ZNF92: variants seen among roughly 807,000 people sequenced by gnomAD.
The protein encoded by ZNF92 is zinc finger protein 92, also known as epididymis luminal protein 203.
Under a neutral mutation model 12.4 loss-of-function variants are expected in ZNF92, and 11 were observed. The observed-to-expected ratio is 0.89, with a 90% CI of 0.56 to 1.47. The LOEUF (loss-of-function observed/expected upper bound fraction) is 1.47. Among genes scored for constraint, ZNF92 ranks in the 40% most tolerant of loss-of-function variants. The pLI is 0.00. For missense variants in ZNF92, 622 were observed against 681.0 expected (o/e 0.91, Z 0.96); for synonymous variants, 206 against 228.6 (o/e 0.90, Z 0.89).
chr7:65,398,236 C>T, intron 3 of ZNF92, 105 bp from the exon 4 acceptor site: 4 of 937,526 alleles, frequency 4.3e-6, no homozygotes, highest in South Asian at 4.9e-5. Flanking sequence ...TTTGCTATGC[C>T]ATCTTGCTTA....
intron 3 of ZNF92, among the ~76,000 whole-genome samples, chr7:65,395,760 G>C (rs976347482): frequency 2.0e-5 from 3 of 152,092 alleles, no homozygotes; most frequent in African/African-American, 7.2e-5. Context: ...GCTGGTACTT[G>C]ACTTAAAGCA....
At chr7:65,392,598 G>T in intron 3 of ZNF92, among the ~76,000 whole-genome samples, 1 of 149,984 alleles carries the variant, frequency 6.7e-6, no homozygotes, top group Non-Finnish European at 1.5e-5. Context: ...GTACAATGGT[G>T]TCATCTCAGC....
At chr7:65,378,364 AT>A (rs1197236041) in intron 1 of ZNF92, among the ~76,000 whole-genome samples, 1 of 151,904 alleles carries the variant, frequency 6.6e-6, no homozygotes, top group Non-Finnish European at 1.5e-5. Context: ...TAGAAGGGAC[AT>A]AAAGTGAGGT....
chr7:65,387,765 T>G (rs1447193550), intron 1 of ZNF92, 137 bp from the exon 2 acceptor site: 10 of 979,510 alleles, frequency 1.0e-5, no homozygotes, highest in Non-Finnish European at 1.4e-5. Context: ...ATTATTTTAT[T>G]GGATCATTTC....
At chr7:65,386,237 C>T (rs1325833202) in intron 1 of ZNF92, among the ~76,000 whole-genome samples, 1 of 151,950 alleles carries the variant, frequency 6.6e-6, no homozygotes, top group African/African-American at 2.4e-5. Flanking sequence ...CCAGGCTGGT[C>T]TCGAACTCCT....
intron 2 of ZNF92, 144 bp downstream of exon 2, chr7:65,388,172 AAAG>A: frequency 1.1e-6 from 1 of 871,928 alleles, no homozygotes; most frequent in Non-Finnish European, 1.7e-6. Flanking sequence ...TCAGTATAGA[AAAG>A]AACTTCTTCA....
At chr7:65,382,631 C>A (rs1793451500) in intron 1 of ZNF92, among the ~76,000 whole-genome samples, 1 of 152,076 alleles carries the variant, frequency 6.6e-6, no homozygotes, top group Non-Finnish European at 1.5e-5. Context: ...TATCTTTAGA[C>A]CTGAAACTGA....
At chr7:65,381,571 C>T (rs537207670) in intron 1 of ZNF92, among the ~76,000 whole-genome samples, 17 of 151,800 alleles carry the variant, frequency 1.1e-4, no homozygotes, top group African/African-American at 1.2e-4. Context: ...GCTTTTGTGG[C>T]GATTGCTTTT....
chr7:65,399,727 A>T lies in ZNF92; in HGVS notation c.1613A>T (p.Lys538Ile). The change falls in exon 4 of 4, where the codon AAA becomes ATA. Residue 538 changes from lysine (K) to isoleucine (I), a missense_variant. Lys to Ile is a moderately radical substitution (Grantham distance 102). Transcript: ENST00000328747. The part of the protein sequence containing the change: ...KIIYTGEKPY[K>I]YEECDKAFNK... ...ATTTATACTGGAGAGAAACCCTACA[A>T]ATATGAAGAATGTGACAAAGCCTTT... The T allele has an allele frequency of 6.2e-7, 1 of 1,613,304 alleles. No individual in the cohort carries two copies. Among genetic ancestry groups the T allele is most frequent in the Non-Finnish European group, 8.5e-7 (1 of 1,179,458 alleles).
rs201966249 is a variant in ZNF92, at chr7:65,399,483, G to A, written c.1369G>A (p.Glu457Lys). 54 of 1,613,034 alleles carry A rather than the reference G, an allele frequency of 3.3e-5. No individual in the cohort carries two copies. The African/African-American group carries it at 5.2e-4, about 16-fold the overall frequency. ...GGAAGATAAACCCTACAAATGTGAA[G>A]AATGTGGCAAAGCCTTTAGTGTATT... is the stretch of plus-strand genomic sequence containing the variant. ...HMEDKPYKCE[E>K]CGKAFSVFST... is the part of the protein sequence containing the mutation. Residue 457 changes from glutamate to lysine, a missense_variant, in exon 4 of 4, where the codon GAA (glutamate) becomes AAA (lysine). Transcript: ENST00000328747.
chr7:65,388,143 T>C, intron 2 of ZNF92, 115 bp downstream of exon 2: 9 of 1,179,752 alleles, frequency 7.6e-6, no homozygotes, highest in Non-Finnish European at 1.0e-5. Flanking sequence ...ATCCCAGTTT[T>C]CAAGAAAACA....
At chr7:65,376,038 G>A (rs1046356120) in intron 1 of ZNF92, among the ~76,000 whole-genome samples, 3 of 151,562 alleles carry the variant, frequency 2.0e-5, no homozygotes, top group Non-Finnish European at 2.9e-5. Flanking sequence ...TCAGCCTCCC[G>A]AGTAGCTGGA....
intron 1 of ZNF92, among the ~76,000 whole-genome samples, chr7:65,379,696 C>G (rs753777794): frequency 1.3e-5 from 2 of 152,094 alleles, no homozygotes; most frequent in Non-Finnish European, 2.9e-5. Context: ...CACCTCCACA[C>G]TGAATCTACA....
At chr7:65,382,855 C>T (rs1335215744) in intron 1 of ZNF92, among the ~76,000 whole-genome samples, 1 of 152,074 alleles carries the variant, frequency 6.6e-6, no homozygotes, top group Non-Finnish European at 1.5e-5. Flanking sequence ...AAATGCAAAT[C>T]CTTTTAGTTA....
Position 65,399,333 on chromosome 7 carries a change from A to C in ZNF92, c.1219A>C (p.Lys407Gln). 15 of 1,613,554 alleles carry C rather than the reference A, an allele frequency of 9.3e-6. No individual in the cohort carries two copies. The highest frequency in any genetic ancestry group is 1.2e-5 in the Non-Finnish European group (14 of 1,179,754). The change falls in exon 4 of 4, where the codon AAA (lysine) becomes CAA (glutamine). Residue 407 changes from lysine (K) to glutamine (Q), a missense_variant. Physicochemically the swap from Lys to Gln is moderately conservative, Grantham distance 53. Coordinates refer to ENST00000328747, the MANE Select transcript of ZNF92 (RefSeq NM_152626.4). ...ATGTGAAGAATGTGGCAAAGCTTTTAAACAGTCCTCAACCCTTACTGAACA... is the reference window on the plus strand; with the variant it reads ...ATGTGAAGAATGTGGCAAAGCTTTTCAACAGTCCTCAACCCTTACTGAACA... ...YKCEECGKAF[K>Q]QSSTLTEHKI...
At chr7:65,392,237 C>CT (rs1398177744) in intron 3 of ZNF92, among the ~76,000 whole-genome samples, 1 of 151,666 alleles carries the variant, frequency 6.6e-6, no homozygotes, top group African/African-American at 2.4e-5. Flanking sequence ...GTTGTTTTGT[C>CT]TAAGTGAGTA....
rs1793964463 is a variant in ZNF92 at position 65,399,866 on chromosome 7, A to G, written c.1752A>G (p.Leu584=). The change falls in exon 4 of 4, where the codon CTA becomes CTG. Residue 584 remains leucine (L), a synonymous_variant. Coordinates refer to ENST00000328747, the MANE Select transcript of ZNF92 (RefSeq NM_152626.4). ...CCTCAAATTATACTAAAGAGAAACTACAAACCTGAAAGATGTGACAATGAT... is the reference window on the plus strand; with the variant it reads ...CCTCAAATTATACTAAAGAGAAACTGCAAACCTGAAAGATGTGACAATGAT... The part of the protein sequence containing the change: ...NKSSNYTKEK[L]QT 1 of 1,568,226 alleles carries G rather than the reference A, an allele frequency of 6.4e-7. No individual in the cohort carries two copies. The highest frequency in any genetic ancestry group is 8.6e-7 in the Non-Finnish European group (1 of 1,160,094).
chr7:65,390,146 G>A (rs927766664), intron 3 of ZNF92, among the ~76,000 whole-genome samples: 3 of 152,026 alleles, frequency 2.0e-5, no homozygotes, highest in Admixed American at 1.3e-4. Flanking sequence ...TAACTTGTAT[G>A]TTAATTTCAT....
chr7:65,398,440 A>G lies in ZNF92; in HGVS notation c.326A>G (p.Glu109Gly). 6.2e-7 allele frequency: 1 copy of G among 1,613,120 alleles called. No individual in the cohort carries two copies. The highest frequency in any genetic ancestry group is 8.5e-7 in the Non-Finnish European group (1 of 1,179,624). Residue 109 changes from glutamate to glycine, a missense_variant, in exon 4 of 4, where the codon GAG becomes GGG. By Grantham distance (98) the Glu-to-Gly change is moderately conservative. Transcript: ENST00000328747. ...AGAACATATGGAAAATATGGACATG[A>G]GAATTTACAGCTAAGAAAAGACCAT... ...ILRTYGKYGH[E>G]NLQLRKDHKS...
Sources: allele counts gnomAD v4.1 joint callset (sites outside exome capture counted in the v4.1 genomes callset), GRCh38; gene constraint gnomAD v4.1.1; transcripts MANE v1.5; gene names NCBI Gene and HGNC (gene_info 2026-07-23, HGNC 2026-07-21).